Variants in TRPS1 observed in about 807,000 individuals in gnomAD.
TRPS1 encodes the protein zinc finger transcription factor Trps1.
In TRPS1, 6 loss-of-function variants were observed where a neutral mutation model predicts 101.2. The ratio of observed to expected loss-of-function variants is 0.06; its 90% CI spans 0.03 to 0.12. The LOEUF (loss-of-function observed/expected upper bound fraction) is 0.12, where lower values mean the gene tolerates loss of function less well. Ranked by LOEUF, TRPS1 falls within the 10% of genes least tolerant of loss-of-function variation. The pLI is 1.00. For missense variants in TRPS1, 1,363 were observed against 1,567.0 expected (o/e 0.87, Z 2.20); for synonymous variants, 578 against 589.8 (o/e 0.98, Z 0.29).
intron 5 of TRPS1, among the ~76,000 whole-genome samples, chr8:115,427,854 G>A (rs1401163890): frequency 7.3e-6 from 1 of 136,292 alleles, no homozygotes; most frequent in African/African-American, 2.6e-5. Flanking sequence ...CAGTGCTGGG[G>A]AGGGGGGAGG....
At chr8:115,445,992 ACT>A (rs955372825) in intron 5 of TRPS1, among the ~76,000 whole-genome samples, 1 of 151,882 alleles carries the variant, frequency 6.6e-6, no homozygotes, top group Non-Finnish European at 1.5e-5. Flanking sequence ...TTCCTGTATA[ACT>A]CTTTTTTCCC....
In TRPS1 at chr8:115,665,226, A is replaced by G. The variant is rs1039624837; in HGVS notation, c.-122+3319T>C. ...AAACAATTTGCTGCAAGTCCTCTGGAAACTTTCAGTAATGTTTATTTACAA... is the reference window on the plus strand; with the variant it reads ...AAACAATTTGCTGCAAGTCCTCTGGGAACTTTCAGTAATGTTTATTTACAA... On this transcript the variant is annotated intron_variant, in intron 1 of 6. Transcript: ENST00000395715. Among the ~76,000 whole-genome samples the G allele has an allele frequency of 2.6e-5, 4 of 152,220 alleles. No homozygotes were observed. In the East Asian group the frequency reaches 5.8e-4, roughly 22 times the overall value.
chr8:115,561,891 A>G (rs1816954310), intron 5 of TRPS1, among the ~76,000 whole-genome samples: 1 of 152,094 alleles, frequency 6.6e-6, no homozygotes, highest in Admixed American at 6.6e-5. Context: ...TACCAATATG[A>G]ACTGAGCTTG....
chr8:115,471,140 C>A (rs1311281242), intron 5 of TRPS1, among the ~76,000 whole-genome samples: 1 of 152,148 alleles, frequency 6.6e-6, no homozygotes, highest in Non-Finnish European at 1.5e-5. Context: ...ACCTCCTCCT[C>A]AGGCTGTAGG....
chr8:115,431,995 C>T (rs968924609), intron 5 of TRPS1, among the ~76,000 whole-genome samples: 5 of 151,614 alleles, frequency 3.3e-5, no homozygotes, highest in Non-Finnish European at 5.9e-5. Flanking sequence ...GGCATATACA[C>T]ATATATTCCT....
chr8:115,535,089 ATATCGCATATG>A (rs1391161693), intron 5 of TRPS1, among the ~76,000 whole-genome samples: 1 of 148,274 alleles, frequency 6.7e-6, no homozygotes, highest in Non-Finnish European at 1.5e-5. Flanking sequence ...TATAGCATAT[ATATCGCATATG>A]TATAGCATAT....
rs544163574 is a variant in TRPS1 at position 115,583,623 on chromosome 8, A to G, written c.2700+3378T>C. On this transcript the variant is annotated intron_variant, in intron 5 of 6. Transcript: ENST00000395715. ...ATACTTCTTCCTACTAACACAAGAA[A>G]ATACTCAAAAATTTTGTAGAAATAT... Among the ~76,000 whole-genome samples the G allele has an allele frequency of 3.9e-5, 6 of 152,200 alleles. No homozygotes were observed. In the East Asian group the frequency reaches 9.6e-4, roughly 24 times the overall value.
chr8:115,537,646 A>G (rs1404699393), intron 5 of TRPS1, among the ~76,000 whole-genome samples: 4 of 152,228 alleles, frequency 2.6e-5, no homozygotes, highest in Non-Finnish European at 5.9e-5. Context: ...TGAGACTCCA[A>G]AATAAATTTT....
intron 5 of TRPS1, among the ~76,000 whole-genome samples, chr8:115,478,748 G>T (rs952210754): frequency 6.6e-6 from 1 of 151,234 alleles, no homozygotes; most frequent in African/African-American, 2.4e-5. Context: ...AGCCTGCAGT[G>T]AGCCGAGATC....
intron 4 of TRPS1, among the ~76,000 whole-genome samples, chr8:115,593,842 C>T (rs1178973413): frequency 1.3e-5 from 2 of 152,094 alleles, no homozygotes; most frequent in Admixed American, 6.6e-5. Context: ...GTGTCTTCTT[C>T]GTTATTCTAA....
Position 115,599,819 on chromosome 8 carries a change from A to C in TRPS1, c.2096+4054T>G, listed in dbSNP as rs561437388. Among the ~76,000 whole-genome samples the C allele has an allele frequency of 2.6e-5, 4 of 152,272 alleles. No homozygotes were observed. In the South Asian group the frequency reaches 8.3e-4, roughly 32 times the overall value. ...TAAACATACATGTGCATGTGTCTTT[A>C]TAGTAGAATGATTTATAATCCTTTG... is the stretch of plus-strand genomic sequence containing the variant. On this transcript the variant is annotated intron_variant, in intron 4 of 6. Transcript: ENST00000395715.
intron 5 of TRPS1, among the ~76,000 whole-genome samples, chr8:115,534,032 T>G (rs1214147576): frequency 3.3e-5 from 5 of 152,172 alleles, no homozygotes; most frequent in Admixed American, 1.3e-4. Context: ...CACTGGAGAT[T>G]GAAGCTCTAA....
intron 5 of TRPS1, among the ~76,000 whole-genome samples, chr8:115,447,852 C>A (rs1426997392): frequency 1.3e-5 from 2 of 152,088 alleles, no homozygotes; most frequent in Admixed American, 1.3e-4. Context: ...CATTCTTTTA[C>A]TTTCATAACT....
At chr8:115,498,729 C>T (rs2130134325) in intron 5 of TRPS1, among the ~76,000 whole-genome samples, 1 of 152,078 alleles carries the variant, frequency 6.6e-6, no homozygotes, top group East Asian at 1.9e-4. Context: ...GGAACTTCAT[C>T]CTGCATATTT....
At chr8:115,499,963 CTTTTCT>C (rs142993550) in intron 5 of TRPS1, among the ~76,000 whole-genome samples, 4,605 of 52,046 alleles carry the variant, frequency 0.088, 82 homozygotes, top group East Asian at 0.24. Context: ...TTCTTTCTTT[CTTTTCT>C]TTTCTTTTCT....
intron 1 of TRPS1, among the ~76,000 whole-genome samples, chr8:115,651,118 C>T (rs1349191243): frequency 2.6e-5 from 4 of 152,180 alleles, no homozygotes; most frequent in African/African-American, 9.7e-5. Flanking sequence ...TAAGGACACA[C>T]CATGTATCAT....
chr8:115,412,545 T>G lies in TRPS1; in HGVS notation c.*1478A>C, dbSNP rs1003730745. Reference sequence around the variant, plus strand: ...CATTAATATTTACTAGAAAAATAAGTTTTTTTTTTCCTATTTGTTCTCCCA... The same window carrying G: ...CATTAATATTTACTAGAAAAATAAGGTTTTTTTTTCCTATTTGTTCTCCCA... On this transcript the variant is annotated 3_prime_UTR_variant, in exon 7 of 7. Transcript: ENST00000395715. The G allele has an allele frequency of 2.0e-5, 3 of 150,368 alleles. No homozygotes were observed. The highest frequency in any genetic ancestry group is 3.0e-5 in the Non-Finnish European group (2 of 67,382). The allele number at this position is 150,368 out of a possible 1,614,324, so 9.3% of individuals were successfully genotyped here. A position where few individuals can be genotyped will look rare whatever the true frequency, so the allele number is the denominator to read the frequency against.
At chr8:115,645,684 T>G (rs2721961) in intron 1 of TRPS1, among the ~76,000 whole-genome samples, 55,534 of 152,054 alleles carry the variant, frequency 0.37, 11,856 homozygotes, top group African/African-American at 0.58. Flanking sequence ...TTAAATCATG[T>G]ATTAAAATTA....
intron 5 of TRPS1, among the ~76,000 whole-genome samples, chr8:115,422,688 G>A (rs993844607): frequency 6.6e-6 from 1 of 152,112 alleles, no homozygotes; most frequent in Non-Finnish European, 1.5e-5. Context: ...TTGAGAAGGA[G>A]CTGATGCCAG....
Sources: allele counts gnomAD v4.1 joint callset (sites outside exome capture counted in the v4.1 genomes callset), GRCh38; gene constraint gnomAD v4.1.1; transcripts MANE v1.5; gene names NCBI Gene and HGNC (gene_info 2026-07-23, HGNC 2026-07-21).